The following GLRX3 variants were observed in gnomAD, a reference collection of about 807,000 sequenced individuals.
The protein encoded by GLRX3 is glutaredoxin-3.
A neutral mutation model predicts 49.5 loss-of-function variants in GLRX3; 22 were observed. The observed-to-expected ratio is 0.44, with a 90% CI of 0.32 to 0.63. The LOEUF (loss-of-function observed/expected upper bound fraction) is 0.63, where lower values mean the gene tolerates loss of function less well. Ranked by LOEUF, GLRX3 falls within the 30% of genes least tolerant of loss-of-function variation. The probability of loss-of-function intolerance (pLI) is 0.05; values close to 1 mark genes in which losing one functional copy is unlikely to be tolerated. For synonymous variants in GLRX3, 133 were observed against 140.0 expected, an observed-to-expected ratio of 0.95 and a Z score of 0.35; for missense variants, 385 against 396.3, an observed-to-expected ratio of 0.97 and a Z score of 0.24.
intron 10 of GLRX3, among the ~76,000 whole-genome samples, chr10:130,178,418 C>G (rs1239462255): frequency 6.6e-6 from 1 of 152,006 alleles, no homozygotes; most frequent in African/African-American, 2.4e-5. Flanking sequence ...CCATGCCCAC[C>G]TGGCTAATTT....
chr10:130,142,850 A>C (rs1397137576), intron 1 of GLRX3, among the ~76,000 whole-genome samples: 1 of 151,966 alleles, frequency 6.6e-6, no homozygotes, highest in Non-Finnish European at 1.5e-5. Flanking sequence ...TCTCTGCTTT[A>C]CTACATAAGT....
chr10:130,148,257 C>T (rs147122416), intron 2 of GLRX3, among the ~76,000 whole-genome samples: 238 of 151,880 alleles, frequency 1.6e-3, no homozygotes, highest in African/African-American at 5.5e-3. Context: ...CTTAGCCTCC[C>T]GAATAGCTGG....
At chr10:130,145,370 G>C (rs781129300) in intron 2 of GLRX3, 51 bp downstream of exon 2, 2 of 898,516 alleles carry the variant, frequency 2.2e-6, no homozygotes, top group Admixed American at 3.5e-5. Flanking sequence ...CTGATTTATG[G>C]GTTAGATTAG....
In GLRX3 at chr10:130,179,326, T is replaced by G; in HGVS notation, c.958-16T>G. On this transcript the variant is annotated splice_polypyrimidine_tract_variant and intron_variant, in intron 10 of 10. Coordinates refer to ENST00000331244, the MANE Select transcript of GLRX3 (RefSeq NM_006541.5). ...ATATGCATATACATATTATTATTGT[T>G]GTTTTTTATTTTTAGGAACTGAAAG... 8.5e-7 allele frequency: 1 copy of G among 1,182,976 alleles called. No homozygotes were observed. Among genetic ancestry groups the G allele is most frequent in the South Asian group, 1.3e-5 (1 of 77,086 alleles). 73.3% of individuals were successfully genotyped at this position (1,182,976 alleles called of 1,614,324 possible).
chr10:130,171,701 C>T (rs1472484845), intron 8 of GLRX3, 65 bp downstream of exon 8: 9 of 888,616 alleles, frequency 1.0e-5, no homozygotes, highest in South Asian at 4.0e-5. Context: ...CGTAGTGGCT[C>T]ACGTCTATAA....
intron 2 of GLRX3, among the ~76,000 whole-genome samples, chr10:130,151,251 A>G (rs1294828788): frequency 2.6e-5 from 4 of 152,234 alleles, no homozygotes; most frequent in African/African-American, 9.6e-5. Flanking sequence ...AATCTTAAAA[A>G]GACTGTAGGT....
intron 5 of GLRX3, 26 bp from the exon 6 acceptor site, chr10:130,166,893 A>G: frequency 6.8e-7 from 1 of 1,479,042 alleles, no homozygotes. Flanking sequence ...TTTTTTTCAT[A>G]AAACTGGTAT....
Position 130,176,268 on chromosome 10 carries a change from C to T in GLRX3, c.957+1179C>T, listed in dbSNP as rs529905894. Among the ~76,000 whole-genome samples, 3 of 151,992 alleles carry T rather than the reference C, an allele frequency of 2.0e-5. No individual in the cohort carries two copies. The South Asian group carries it at 6.2e-4, about 32-fold the overall frequency. ...CTGAGTAGCTGGGATTACAGGCACC[C>T]GCCACCACGCCCCACTAATTTTTGT... is the stretch of plus-strand genomic sequence containing the variant. On this transcript the variant is annotated intron_variant, in intron 10 of 10. Coordinates refer to ENST00000331244, the MANE Select transcript of GLRX3 (RefSeq NM_006541.5).
At chr10:130,160,463 C>T (rs1862552918) in intron 3 of GLRX3, among the ~76,000 whole-genome samples, 1 of 152,160 alleles carries the variant, frequency 6.6e-6, no homozygotes, top group Admixed American at 6.5e-5. Flanking sequence ...CACACCTGTG[C>T]TTCCAGGCAC....
At chr10:130,153,715 C>T (rs1862423735) in intron 2 of GLRX3, among the ~76,000 whole-genome samples, 1 of 152,006 alleles carries the variant, frequency 6.6e-6, no homozygotes, top group Non-Finnish European at 1.5e-5. Context: ...GTCTGTCGGC[C>T]CCTACTGGGA....
chr10:130,179,881 C>T (rs1041808338), downstream of GLRX3, among the ~76,000 whole-genome samples: 4 of 152,146 alleles, frequency 2.6e-5, no homozygotes, highest in East Asian at 1.9e-4. Flanking sequence ...TTGCTGAGCT[C>T]GGCACTGGTT....
intron 2 of GLRX3, among the ~76,000 whole-genome samples, chr10:130,159,487 A>G (rs1247180761): frequency 1.3e-5 from 2 of 152,318 alleles, no homozygotes; most frequent in African/African-American, 4.8e-5. Context: ...TAAAAGCAAA[A>G]TTTATCAGAC....
intron 2 of GLRX3, among the ~76,000 whole-genome samples, chr10:130,146,698 C>T (rs937695484): frequency 6.6e-6 from 1 of 152,110 alleles, no homozygotes; most frequent in Middle Eastern, 3.2e-3. Context: ...AAATGAAAAA[C>T]CAAAGTCTTA....
chr10:130,165,114 T>G (rs1862655835), intron 4 of GLRX3, among the ~76,000 whole-genome samples: 1 of 152,240 alleles, frequency 6.6e-6, no homozygotes, highest in African/African-American at 2.4e-5. Context: ...ATTCTTGCAA[T>G]TAATCTTATA....
chr10:130,154,391 TG>T (rs577480966), intron 2 of GLRX3, among the ~76,000 whole-genome samples: 17 of 152,116 alleles, frequency 1.1e-4, no homozygotes, highest in Non-Finnish European at 2.2e-4. Flanking sequence ...CAGTTGGAAA[TG>T]GAGAAGTCAC....
At chr10:130,149,080 A>T (rs1206411714) in intron 2 of GLRX3, among the ~76,000 whole-genome samples, 1 of 151,946 alleles carries the variant, frequency 6.6e-6, no homozygotes, top group Non-Finnish European at 1.5e-5. Context: ...TAAAAAGTGC[A>T]TCTGTACTCC....
At position 130,179,317 on chromosome 10, in the gene GLRX3, T is replaced by C. The variant is rs781385448; in HGVS notation, c.958-25T>C. ...TCTTTTTATATATGCATATACATAT[T>C]ATTATTGTTGTTTTTTATTTTTAGG... On this transcript the variant is annotated intron_variant, in intron 10 of 10. Transcript: ENST00000331244. 1.7e-5 allele frequency: 18 copies of C among 1,074,690 alleles called. No homozygotes were observed. The South Asian group carries it at 2.3e-4, about 14-fold the overall frequency. 66.6% of individuals were successfully genotyped at this position (1,074,690 alleles called of 1,614,324 possible).
At chr10:130,137,936 A>C (rs1022996496) in intron 1 of GLRX3, among the ~76,000 whole-genome samples, 1 of 151,948 alleles carries the variant, frequency 6.6e-6, no homozygotes. Flanking sequence ...AGGTCTCGCC[A>C]TGTTGCCCAG....
At chr10:130,161,046 GA>G in intron 4 of GLRX3, 49 bp downstream of exon 4, 1 of 1,323,684 alleles carries the variant, frequency 7.6e-7, no homozygotes, top group Non-Finnish European at 1.1e-6. Context: ...TGCTTTCCCA[GA>G]ATGGGGTATG....
Sources: allele counts gnomAD v4.1 joint callset (sites outside exome capture counted in the v4.1 genomes callset), GRCh38; gene constraint gnomAD v4.1.1; transcripts MANE v1.5; gene names NCBI Gene and HGNC (gene_info 2026-07-23, HGNC 2026-07-21).